CFTR: variants seen among roughly 807,000 people sequenced by gnomAD.
CFTR encodes the protein cystic fibrosis transmembrane conductance regulator.
CFTR carries 181 observed loss-of-function variants against 171.6 expected under a neutral mutation model. That is an observed-to-expected ratio of 1.05 (90% CI 0.93 to 1.19). The LOEUF (loss-of-function observed/expected upper bound fraction) is 1.19, where lower values mean the gene tolerates loss of function less well. CFTR is among the 50% of genes most tolerant of loss of function. The pLI is 0.00. For missense variants in CFTR, 1,968 were observed against 1,734.7 expected, an observed-to-expected ratio of 1.13 and a Z score of -2.39; for synonymous variants, 583 against 608.0, an observed-to-expected ratio of 0.96 and a Z score of 0.60.
At position 117,667,823 on chromosome 7, in the gene CFTR, G is replaced by T. The variant is rs1177920859; in HGVS notation, c.*715G>T. ...GATAATCACAATACATCCCTTACCT[G>T]GGAAAGGGCTGTTATAATCTTTCAC... is the stretch of plus-strand genomic sequence containing the variant. On this transcript the variant is annotated 3_prime_UTR_variant, in exon 27 of 27. Coordinates refer to ENST00000003084, the MANE Select transcript of CFTR (RefSeq NM_000492.4). 1 of 154,200 alleles carries T rather than the reference G, an allele frequency of 6.5e-6. No homozygotes were observed. Among genetic ancestry groups the T allele is most frequent in the African/African-American group, 2.4e-5 (1 of 41,440 alleles). 9.6% of individuals were successfully genotyped at this position (154,200 alleles called of 1,614,324 possible).
At chr7:117,657,071 A>T (rs1793195471) in intron 24 of CFTR, among the ~76,000 whole-genome samples, 1 of 152,230 alleles carries the variant, frequency 6.6e-6, no homozygotes, top group Non-Finnish European at 1.5e-5. Context: ...CTTTGATATG[A>T]CTTCAGAGAA....
chr7:117,618,476 T>TCG (rs1359312891), intron 21 of CFTR, among the ~76,000 whole-genome samples: 2 of 145,406 alleles, frequency 1.4e-5, no homozygotes, highest in African/African-American at 5.1e-5. Flanking sequence ...GGAGACTCCG[T>TCG]CTCACACACA....
At chr7:117,643,429 G>C (rs1023511275) in intron 23 of CFTR, among the ~76,000 whole-genome samples, 1 of 151,962 alleles carries the variant, frequency 6.6e-6, no homozygotes, top group African/African-American at 2.4e-5. Context: ...GCACCTCCAG[G>C]TAGACTGACT....
intron 1 of CFTR, among the ~76,000 whole-genome samples, chr7:117,501,763 A>C (rs1178804317): frequency 3.3e-5 from 5 of 149,528 alleles, no homozygotes; most frequent in Non-Finnish European, 5.9e-5. Flanking sequence ...AAAAAAAAAA[A>C]AAAAAAAAGA....
intron 18 of CFTR, among the ~76,000 whole-genome samples, chr7:117,608,317 G>T (rs765226758): frequency 6.6e-6 from 1 of 151,954 alleles, no homozygotes; most frequent in South Asian, 2.1e-4. Flanking sequence ...CGATTCTCTC[G>T]CATCAGCCTC....
At chr7:117,499,019 A>G (rs1014477839) in intron 1 of CFTR, among the ~76,000 whole-genome samples, 1 of 152,188 alleles carries the variant, frequency 6.6e-6, no homozygotes, top group African/African-American at 2.4e-5. Flanking sequence ...TAGTATGTCA[A>G]TATTTGGGAG....
chr7:117,536,129 T>G (rs2116677933), intron 6 of CFTR, among the ~76,000 whole-genome samples: 1 of 152,338 alleles, frequency 6.6e-6, no homozygotes, highest in South Asian at 2.1e-4. Flanking sequence ...AAGTCACTGC[T>G]TAGGATAAAG....
At chr7:117,591,597 T>C (rs982826199) in intron 13 of CFTR, among the ~76,000 whole-genome samples, 3 of 152,196 alleles carry the variant, frequency 2.0e-5, no homozygotes, top group African/African-American at 7.2e-5. Context: ...ACCTTAAAGA[T>C]CATCTAATAA....
intron 10 of CFTR, among the ~76,000 whole-genome samples, chr7:117,549,188 C>T (rs202023642): frequency 6.6e-6 from 1 of 152,170 alleles, no homozygotes; most frequent in Non-Finnish European, 1.5e-5. Flanking sequence ...TCATGACTTA[C>T]ATTTTGCCTT....
At chr7:117,570,054 C>T (rs930031454) in intron 11 of CFTR, among the ~76,000 whole-genome samples, 4 of 151,886 alleles carry the variant, frequency 2.6e-5, no homozygotes, top group African/African-American at 9.7e-5. Flanking sequence ...CCTCTTCATT[C>T]TCTCCTCTCC....
chr7:117,530,261 A>G (rs1798837170), intron 3 of CFTR, among the ~76,000 whole-genome samples: 4 of 152,186 alleles, frequency 2.6e-5, no homozygotes. Flanking sequence ...AGAAGGGACT[A>G]GCATTGGAAG....
Position 117,624,010 on chromosome 7 carries a change from G to A in CFTR, c.3469-3512G>A, listed in dbSNP as rs1478093490. ...GATTTGGATTCTTTTTTTTTTAAGA[G>A]TTCCCCAAATTACTTAAGCTTCAGG... On this transcript the variant is annotated intron_variant, in intron 21 of 26. Coordinates refer to ENST00000003084, the MANE Select transcript of CFTR (RefSeq NM_000492.4). Among the ~76,000 whole-genome samples, 3 of 151,604 alleles carry A rather than the reference G, an allele frequency of 2.0e-5. No individual in the cohort carries two copies. The East Asian group carries it at 5.8e-4, about 29-fold the overall frequency.
intron 18 of CFTR, among the ~76,000 whole-genome samples, chr7:117,608,484 A>G (rs1050922562): frequency 1.3e-5 from 2 of 152,182 alleles, no homozygotes; most frequent in African/African-American, 2.4e-5. Context: ...AAGAGCTGGA[A>G]TTATAGGTGT....
At position 117,535,258 on chromosome 7, in the gene CFTR, T is replaced by G; in HGVS notation, c.590T>G (p.Leu197Trp). 1 of 1,614,142 alleles carries G rather than the reference T, an allele frequency of 6.2e-7. No homozygotes were observed. Among genetic ancestry groups the G allele is most frequent in the Non-Finnish European group, 8.5e-7 (1 of 1,180,000 alleles). ...GCTTTTATTTTCCAGGGACTTGCAT[T>G]GGCACATTTCGTGTGGATCGCTCCT... ...NLNKFDEGLALAHFVWIAPLQ... is the reference protein window; with the variant it reads ...NLNKFDEGLAWAHFVWIAPLQ... The change falls in exon 6 of 27, where the codon TTG (leucine) becomes TGG (tryptophan). Residue 197 changes from leucine to tryptophan, a missense_variant. Transcript: ENST00000003084.
intron 21 of CFTR, among the ~76,000 whole-genome samples, chr7:117,618,429 C>T (rs1014576566): frequency 5.3e-5 from 8 of 151,568 alleles, no homozygotes; most frequent in African/African-American, 1.5e-4. Context: ...TTCAGTGAGC[C>T]GAGATCCTGC....
In CFTR at chr7:117,547,733, C is replaced by T. The variant is rs564402851; in HGVS notation, c.1210-908C>T. Among the ~76,000 whole-genome samples the T allele has an allele frequency of 2.0e-5, 3 of 152,206 alleles. No individual in the cohort carries two copies. In the South Asian group the frequency reaches 6.2e-4, roughly 32 times the overall value. On this transcript the variant is annotated intron_variant, in intron 9 of 26. Coordinates refer to ENST00000003084, the MANE Select transcript of CFTR (RefSeq NM_000492.4). ...TCTCATGGTCCCTTTGTTTGAGTCC[C>T]AGAGGTTTTCCTACTCCAGAAAGTG...
In CFTR at chr7:117,640,606, C is replaced by T. The variant is rs1395585283; in HGVS notation, c.3718-1832C>T. On this transcript the variant is annotated intron_variant, in intron 22 of 26. Transcript: ENST00000003084. ...GTTGAACTTTCCTTTCTTTTATTCC[C>T]CTGTACCTCACCTGCACTGGGCATA... 3.3e-5 allele frequency among the ~76,000 whole-genome samples: 5 copies of T among 152,184 alleles called. No homozygotes were observed. In the East Asian group the frequency reaches 9.7e-4, roughly 29 times the overall value.
intron 6 of CFTR, among the ~76,000 whole-genome samples, chr7:117,536,039 T>C (rs777493585): frequency 1.3e-5 from 2 of 152,182 alleles, no homozygotes; most frequent in African/African-American, 2.4e-5. Context: ...TTTACTACTC[T>C]GGTTTATGGA....
intron 11 of CFTR, among the ~76,000 whole-genome samples, chr7:117,570,892 C>T (rs1347985280): frequency 6.6e-6 from 1 of 152,096 alleles, no homozygotes; most frequent in East Asian, 1.9e-4. Flanking sequence ...AAAATATTTG[C>T]AGGATATTTA....
Sources: allele counts gnomAD v4.1 joint callset (sites outside exome capture counted in the v4.1 genomes callset), GRCh38; gene constraint gnomAD v4.1.1; transcripts MANE v1.5; gene names NCBI Gene and HGNC (gene_info 2026-07-23, HGNC 2026-07-21).